The following ZNF658 variants were observed in gnomAD, a reference collection of about 807,000 sequenced individuals.
ZNF658 encodes the protein zinc finger protein 658.
ZNF658 carries 46 observed loss-of-function variants against 78.0 expected under a neutral mutation model. The observed-to-expected ratio is 0.59, with a 90% confidence interval of 0.47 to 0.75. ZNF658 has a LOEUF of 0.75. Ranked by LOEUF, ZNF658 falls within the 30% of genes least tolerant of loss-of-function variation. ZNF658 has a pLI of 0.00. For synonymous variants in ZNF658, 279 were observed against 408.4 expected (o/e 0.68, Z 3.82); for missense variants, 785 against 1,189.3 (o/e 0.66, Z 5.00).
At chr9:66,931,298 G>C (rs1391524635) in intron 6 of ZNF658, among the ~76,000 whole-genome samples, 1 of 150,296 alleles carries the variant, frequency 6.7e-6, no homozygotes, top group African/African-American at 2.4e-5. Flanking sequence ...TTGCATTTGT[G>C]TGTGTGTGTG....
chr9:66,914,807 A>G (rs1332424), intron 4 of ZNF658, among the ~76,000 whole-genome samples: 2 of 151,872 alleles, frequency 1.3e-5, no homozygotes, highest in Non-Finnish European at 2.9e-5. Context: ...TATATATTTC[A>G]GTGTACTTTT....
chr9:66,905,283 C>T (rs1457914275), intron 2 of ZNF658, among the ~76,000 whole-genome samples: 1 of 149,644 alleles, frequency 6.7e-6, no homozygotes, highest in Non-Finnish European at 1.5e-5. Flanking sequence ...ACCATGTTGG[C>T]CAGGCTGGTC....
chr9:66,907,630 A>G lies in ZNF658; in HGVS notation c.16-608A>G, dbSNP rs867220323. On this transcript the variant is annotated intron_variant, in intron 2 of 4. Coordinates refer to ENST00000621410, the MANE Select transcript of ZNF658 (RefSeq NM_033160.7). Reference sequence around the variant, plus strand: ...ATATTTGTCTTTCTGTCAATTAAAAACAAAATTTTTTTAAAAGGAGCTTCT... The same window carrying G: ...ATATTTGTCTTTCTGTCAATTAAAAGCAAAATTTTTTTAAAAGGAGCTTCT... 5.3e-5 allele frequency among the ~76,000 whole-genome samples: 8 copies of G among 152,284 alleles called. No homozygotes were observed. In the South Asian group the frequency reaches 6.2e-4, roughly 12 times the overall value.
At chr9:66,909,593 C>A (rs1292737186) in intron 4 of ZNF658, among the ~76,000 whole-genome samples, 3 of 151,772 alleles carry the variant, frequency 2.0e-5, no homozygotes, top group African/African-American at 7.3e-5. Context: ...AGGAGTGAAA[C>A]TGCTGGGTCA....
chr9:66,915,258 GA>G (rs912764306), intron 4 of ZNF658, among the ~76,000 whole-genome samples: 1 of 151,720 alleles, frequency 6.6e-6, no homozygotes. Context: ...AGCTCCTTTA[GA>G]AAAAAAGTCT....
Position 66,918,593 on chromosome 9 carries a change from C to T in ZNF658, c.1027C>T (p.His343Tyr). The change falls in exon 5 of 5, where the codon CAT (histidine) becomes TAT (tyrosine). Residue 343 changes from histidine (H) to tyrosine (Y), a missense_variant. Transcript: ENST00000621410. ...NFSQSSAHIV[H>Y]QKTQAGDKFG... The stretch of plus-strand genomic sequence containing the variant: ...TAGCCAGAGCTCAGCCCATATAGTA[C>T]ATCAGAAAACACAAGCTGGAGATAA... 13 of 1,608,992 alleles carry T rather than the reference C, an allele frequency of 8.1e-6. No individual in the cohort carries two copies. The highest frequency in any genetic ancestry group is 1.1e-5 in the Non-Finnish European group (13 of 1,175,926).
At chr9:66,917,671 C>G in intron 4 of ZNF658, 134 bp from the exon 5 acceptor site, 1 of 623,304 alleles carries the variant, frequency 1.6e-6, no homozygotes, top group Non-Finnish European at 2.6e-6. Context: ...TATGATCATG[C>G]CACTGCACTC....
rs79262629 is a variant in ZNF658 at position 66,918,750 on chromosome 9, G to A, written c.1184G>A (p.Arg395Gln). 3,122 of 1,613,858 alleles carry A rather than the reference G, an allele frequency of 1.9e-3. 58 individuals are homozygous for A. The African/African-American group carries it at 0.036, about 19-fold the overall frequency. Reference protein sequence around the residue: ...EHGKCRKSFYRKAHLIQHQRP... With the variant: ...EHGKCRKSFYQKAHLIQHQRP... The stretch of plus-strand genomic sequence containing the variant: ...GGGAAATGCAGAAAATCCTTTTACC[G>A]GAAAGCACACCTCATTCAGCATCAG... Residue 395 changes from arginine (R) to glutamine (Q), a missense_variant, in exon 5 of 5, where the codon CGG becomes CAG. Physicochemically the swap from Arg to Gln is conservative, Grantham distance 43 (BLOSUM62 1). Coordinates refer to ENST00000621410, the MANE Select transcript of ZNF658 (RefSeq NM_033160.7).
intron 4 of ZNF658, among the ~76,000 whole-genome samples, chr9:66,916,159 AT>A (rs1473151444): frequency 6.6e-6 from 1 of 152,046 alleles, no homozygotes; most frequent in Admixed American, 6.6e-5. Flanking sequence ...AAGTGATGGG[AT>A]TACAGGCGTG....
intron 6 of ZNF658, among the ~76,000 whole-genome samples, chr9:66,931,319 T>C (rs1196048875): frequency 6.6e-6 from 1 of 150,664 alleles, no homozygotes; most frequent in South Asian, 2.1e-4. Flanking sequence ...TCTGTGTGTA[T>C]ACACACACAG....
chr9:66,923,952 C>G (rs1185584582), downstream of ZNF658, among the ~76,000 whole-genome samples: 1 of 139,120 alleles, frequency 7.2e-6, no homozygotes, highest in East Asian at 2.1e-4. Flanking sequence ...AGTTTGAGAC[C>G]AACCTGGCCA....
chr9:66,926,301 GT>G (rs1378616044), downstream of ZNF658, among the ~76,000 whole-genome samples: 1 of 141,348 alleles, frequency 7.1e-6, no homozygotes, highest in Non-Finnish European at 1.6e-5. Flanking sequence ...AATTGTACCT[GT>G]TTAAACATGA....
intron 1 of ZNF658, among the ~76,000 whole-genome samples, chr9:66,902,289 C>T (rs370023112): frequency 0.013 from 1,885 of 140,354 alleles, 25 homozygotes; most frequent in Middle Eastern, 0.027. Context: ...GCCCATATGA[C>T]CGAGACCTCT....
At chr9:66,931,337 C>G (rs2118145176) in intron 6 of ZNF658, among the ~76,000 whole-genome samples, 1 of 150,440 alleles carries the variant, frequency 6.6e-6, no homozygotes, top group Non-Finnish European at 1.5e-5. Flanking sequence ...CAGACATACA[C>G]ACATATGCCA....
At chr9:66,905,581 C>A (rs1245305262) in intron 2 of ZNF658, among the ~76,000 whole-genome samples, 2 of 147,474 alleles carry the variant, frequency 1.4e-5, no homozygotes, top group African/African-American at 5.1e-5. Flanking sequence ...TGTTATTTTT[C>A]CTTCTGTTTC....
downstream of ZNF658, among the ~76,000 whole-genome samples, chr9:66,923,943 G>A (rs1259145504): frequency 7.3e-6 from 1 of 136,902 alleles, no homozygotes; most frequent in African/African-American, 2.8e-5. Context: ...GAGGTCAGGA[G>A]TTTGAGACCA....
intron 4 of ZNF658, among the ~76,000 whole-genome samples, chr9:66,914,218 T>A (rs1458684758): frequency 6.6e-6 from 1 of 150,676 alleles, no homozygotes; most frequent in East Asian, 1.9e-4. Context: ...TGTCTTTTAG[T>A]TTTTAGAACA....
downstream of ZNF658, among the ~76,000 whole-genome samples, chr9:66,926,257 C>CA (rs1350929319): frequency 8.6e-6 from 1 of 116,090 alleles, no homozygotes. Context: ...AAGATCAATA[C>CA]AAAAAATACA....
At position 66,918,440 on chromosome 9, in the gene ZNF658, A is replaced by G. The variant is rs1822398873; in HGVS notation, c.874A>G (p.Met292Val). 6.2e-7 allele frequency: 1 copy of G among 1,611,982 alleles called. No individual in the cohort carries two copies. The highest frequency in any genetic ancestry group is 1.3e-5 in the African/African-American group (1 of 74,900). Residue 292 changes from methionine to valine, a missense_variant, in exon 5 of 5, where the codon ATG becomes GTG. This residue lies in a region of ZNF658 where 393 missense variants were observed against 400.2 expected (regional missense o/e 0.98). Coordinates refer to ENST00000621410, the MANE Select transcript of ZNF658 (RefSeq NM_033160.7). ...TTAVEYNKVH[M>V]AMTHYECNER... ...CGCTGTTGAATACAATAAAGTTCAC[A>G]TGGCTATGACACACTATGAGTGTAA...
Sources: allele counts gnomAD v4.1 joint callset (sites outside exome capture counted in the v4.1 genomes callset), GRCh38; gene constraint gnomAD v4.1.1; regional missense constraint gnomAD v4.1.1; transcripts MANE v1.5; gene names NCBI Gene and HGNC (gene_info 2026-07-23, HGNC 2026-07-21).